LCT: variants seen among roughly 807,000 people sequenced by gnomAD.
LCT encodes the protein lactase.
Under a neutral mutation model 173.0 loss-of-function variants are expected in LCT, and 90 were observed. The ratio of observed to expected loss-of-function variants is 0.52; its 90% confidence interval spans 0.44 to 0.62. The LOEUF (loss-of-function observed/expected upper bound fraction) is 0.62, where lower values mean the gene tolerates loss of function less well. Among genes scored for constraint, LCT ranks in the 20% least tolerant of loss-of-function variants. LCT has a pLI of 0.00. For synonymous variants in LCT, 853 were observed against 957.6 expected, an observed-to-expected ratio of 0.89 and a Z score of 2.02; for missense variants, 1,864 against 2,431.4, an observed-to-expected ratio of 0.77 and a Z score of 4.91.
intron 5 of LCT, among the ~76,000 whole-genome samples, chr2:135,818,458 G>A (rs1228899541): frequency 6.6e-6 from 1 of 152,208 alleles, no homozygotes; most frequent in Non-Finnish European, 1.5e-5. Context: ...GAATGGATGT[G>A]TATTATCTCA....
chr2:135,818,927 T>C (rs1225389647), intron 5 of LCT, among the ~76,000 whole-genome samples: 2 of 152,238 alleles, frequency 1.3e-5, no homozygotes, highest in Non-Finnish European at 1.5e-5. Context: ...TGTGGACCAG[T>C]TGAATATCAG....
chr2:135,800,933 A>C, intron 11 of LCT, 124 bp from the exon 12 acceptor site: 1 of 764,104 alleles, frequency 1.3e-6, no homozygotes, highest in Non-Finnish European at 2.2e-6. Flanking sequence ...TGACACTAGG[A>C]AAACTGGAAT....
In LCT at chr2:135,804,811, C is replaced by T. The variant is rs371776642; in HGVS notation, c.4420G>A (p.Val1474Met). Residue 1474 changes from valine (V) to methionine (M), a missense_variant, in exon 10 of 17, where the codon GTG becomes ATG. Physicochemically the swap from Val to Met is conservative, Grantham distance 21. This residue lies in a region of LCT where 514 missense variants were observed against 750.1 expected (regional missense o/e 0.69). Coordinates refer to ENST00000264162, the MANE Select transcript of LCT (RefSeq NM_002299.4). Reference protein sequence around the residue: ...YINEAGLNYYVRLIDTLLAAS... With the variant: ...YINEAGLNYYMRLIDTLLAAS... ...GCCAGCAGTGTATCGATGAGCCTCA[C>T]GTAGTAGTTCAGGCCCGCTTCATTG... is the stretch of plus-strand genomic sequence containing the variant. 1.1e-5 allele frequency: 17 copies of T among 1,613,634 alleles called. No individual in the cohort carries two copies. Among genetic ancestry groups the T allele is most frequent in the Middle Eastern group, 1.8e-4 (1 of 5,604 alleles).
intron 14 of LCT, 143 bp from the exon 15 acceptor site, chr2:135,791,024 A>G: frequency 1.4e-6 from 1 of 713,666 alleles, no homozygotes; most frequent in South Asian, 1.6e-5. Context: ...AGAAGAATCA[A>G]ATTGCCTCAA....
intron 1 of LCT, among the ~76,000 whole-genome samples, chr2:135,835,566 T>A (rs80221869): frequency 0.025 from 3,601 of 144,154 alleles, 156 homozygotes; most frequent in African/African-American, 0.085. Flanking sequence ...ATGTATATGG[T>A]ATATAATAAA....
chr2:135,824,921 C>T (rs926791821), intron 3 of LCT, among the ~76,000 whole-genome samples: 7 of 148,072 alleles, frequency 4.7e-5, no homozygotes, highest in South Asian at 4.2e-4. Context: ...GAGAATCGCT[C>T]GAACTCAAGA....
At chr2:135,828,297 A>C (rs1266541027) in intron 3 of LCT, among the ~76,000 whole-genome samples, 1 of 152,214 alleles carries the variant, frequency 6.6e-6, no homozygotes, top group Non-Finnish European at 1.5e-5. Context: ...TGCTGGGATT[A>C]CAGGCATGAG....
At chr2:135,818,689 T>TG in intron 5 of LCT, among the ~76,000 whole-genome samples, 1 of 151,990 alleles carries the variant, frequency 6.6e-6, no homozygotes, top group Admixed American at 6.6e-5. Context: ...AATACAAAAT[T>TG]AGCCAGGCGT....
At chr2:135,821,931 C>A in intron 5 of LCT, 89 bp downstream of exon 5, 3 of 846,062 alleles carry the variant, frequency 3.5e-6, no homozygotes. Flanking sequence ...GAGTTGATGA[C>A]AACAGTCCTA....
At chr2:135,833,294 C>T in intron 1 of LCT, 104 bp from the exon 2 acceptor site, 1 of 836,956 alleles carries the variant, frequency 1.2e-6, no homozygotes, top group South Asian at 1.3e-5. Flanking sequence ...AGAAATCATC[C>T]AAATGACTTT....
At chr2:135,789,894 A>C in intron 15 of LCT, 96 bp from the exon 16 acceptor site, 1 of 924,170 alleles carries the variant, frequency 1.1e-6, no homozygotes. Flanking sequence ...TGCTCTCCCC[A>C]CCGCCTTCAC....
rs1354127017 is a variant in LCT at position 135,812,807 on chromosome 2, G to A, written c.1857C>T (p.Ala619=). The A allele has an allele frequency of 2.5e-6, 4 of 1,614,030 alleles. No individual in the cohort carries two copies. The highest frequency in any genetic ancestry group is 1.7e-6 in the Non-Finnish European group (2 of 1,180,050). Reference sequence around the variant, plus strand: ...GCATGAAGTGCAAGAAGCGCTCAGAGGCTCTCAGGTCCTCAGGCCTCTCTG... The same window carrying A: ...GCATGAAGTGCAAGAAGCGCTCAGAAGCTCTCAGGTCCTCAGGCCTCTCTG... ...LSPERPEDLR[A]SERFLHFMLG... is the part of the protein sequence containing the mutation. The change falls in exon 7 of 17, where the codon GCC becomes GCT. Residue 619 remains alanine (A), a synonymous_variant. Transcript: ENST00000264162.
At chr2:135,807,831 A>G (rs1003123849) in intron 8 of LCT, among the ~76,000 whole-genome samples, 2 of 151,884 alleles carry the variant, frequency 1.3e-5, no homozygotes, top group African/African-American at 2.4e-5. Context: ...CAATGAAACA[A>G]AAAGTTGATT....
At chr2:135,816,714 C>T (rs1242880715) in intron 6 of LCT, among the ~76,000 whole-genome samples, 2 of 152,156 alleles carry the variant, frequency 1.3e-5, no homozygotes, top group Non-Finnish European at 2.9e-5. Flanking sequence ...GACTCAAATC[C>T]TGACTTCCAC....
chr2:135,834,516 G>A (rs370794294), intron 1 of LCT, among the ~76,000 whole-genome samples: 2 of 147,310 alleles, frequency 1.4e-5, no homozygotes, highest in Non-Finnish European at 3.0e-5. Context: ...GGCCGGGCGT[G>A]GTGGCTCACG....
intron 13 of LCT, among the ~76,000 whole-genome samples, chr2:135,795,624 A>T (rs903280357): frequency 1.1e-4 from 17 of 150,894 alleles, no homozygotes; most frequent in Admixed American, 3.3e-4. Flanking sequence ...TAATAATAAT[A>T]ATAATAATAA....
At chr2:135,822,450 C>T (rs2077842228) in intron 4 of LCT, 1 of 271,446 alleles carries the variant, frequency 3.7e-6, no homozygotes, top group Admixed American at 5.0e-5. Context: ...GTTGATGCTG[C>T]TGGTCTGGGG....
intron 6 of LCT, among the ~76,000 whole-genome samples, chr2:135,816,280 G>A (rs1166133585): frequency 6.6e-6 from 1 of 152,186 alleles, no homozygotes; most frequent in Non-Finnish European, 1.5e-5. Flanking sequence ...GCGTATTGAG[G>A]AGTAAAGCAT....
At chr2:135,803,587 T>C (rs1300293079) in intron 11 of LCT, among the ~76,000 whole-genome samples, 1 of 152,160 alleles carries the variant, frequency 6.6e-6, no homozygotes, top group Non-Finnish European at 1.5e-5. Context: ...GTCAGAAACT[T>C]TGGGGTTTGG....
Sources: gnomAD v4.1 joint callset for allele counts (sites outside exome capture counted in the v4.1 genomes callset) on GRCh38, gnomAD v4.1.1 for gene constraint, gnomAD v4.1.1 regional missense constraint, MANE v1.5 for transcripts, NCBI Gene and HGNC (gene_info 2026-07-23, HGNC 2026-07-21) for gene names.